CAST: variants seen among roughly 807,000 people sequenced by gnomAD.
The protein encoded by CAST is MIR583 host.
Under a neutral mutation model 119.6 loss-of-function variants are expected in CAST, and 76 were observed. The ratio of observed to expected loss-of-function variants is 0.64; its 90% confidence interval spans 0.53 to 0.77. The LOEUF (loss-of-function observed/expected upper bound fraction) is 0.77. CAST is among the 30% of genes least tolerant of loss of function. The pLI, the probability that CAST is intolerant of heterozygous loss-of-function variation, is 0.00. For missense variants in CAST, 953 were observed against 946.5 expected, an observed-to-expected ratio of 1.01 and a Z score of -0.09; for synonymous variants, 319 against 331.6, an observed-to-expected ratio of 0.96 and a Z score of 0.41.
chr5:96,655,270 A>G (rs1021463863), intron 1 of CAST, among the ~76,000 whole-genome samples: 9 of 152,232 alleles, frequency 5.9e-5, no homozygotes, highest in Admixed American at 1.3e-4. Context: ...GAAGAACAGC[A>G]ACATGGAAAA....
At chr5:96,744,518 C>T (rs567279844) in intron 16 of CAST, among the ~76,000 whole-genome samples, 25 of 152,308 alleles carry the variant, frequency 1.6e-4, no homozygotes, top group South Asian at 4.1e-4. Flanking sequence ...GTCCCTCCCA[C>T]GACACGTGGG....
chr5:96,366,514 G>A, the CAST span, among the ~76,000 whole-genome samples: 1 of 152,152 alleles, frequency 6.6e-6, no homozygotes, highest in Non-Finnish European at 1.5e-5. Context: ...TTTCTTGGAG[G>A]CTTTGTTCCT....
the CAST span, among the ~76,000 whole-genome samples, chr5:96,192,118 A>T: frequency 6.6e-6 from 1 of 152,184 alleles, no homozygotes; most frequent in Non-Finnish European, 1.5e-5. Flanking sequence ...GATATAAGGG[A>T]ATAGAATGAG....
chr5:96,065,355 C>CT, the CAST span, among the ~76,000 whole-genome samples: 1 of 151,318 alleles, frequency 6.6e-6, no homozygotes, highest in East Asian at 1.9e-4. Context: ...TCAAGAGAGC[C>CT]TTTTGGGGTC....
chr5:96,641,282 A>T (rs936671917), intron 1 of CAST, among the ~76,000 whole-genome samples: 5 of 152,002 alleles, frequency 3.3e-5, no homozygotes, highest in Non-Finnish European at 7.4e-5. Context: ...ATAATAATAA[A>T]AATTACCTCT....
chr5:96,321,077 A>G, the CAST span, among the ~76,000 whole-genome samples: 1 of 152,180 alleles, frequency 6.6e-6, no homozygotes, highest in South Asian at 2.1e-4. Flanking sequence ...GAGAGTGCTT[A>G]TCTCTCCAGG....
At chr5:96,321,532 T>A in the CAST span, among the ~76,000 whole-genome samples, 1 of 152,252 alleles carries the variant, frequency 6.6e-6, no homozygotes, top group African/African-American at 2.4e-5. Context: ...GACTGGAATG[T>A]TCTTTTCTTC....
chr5:96,622,219 C>T (rs576278001), intron 1 of CAST, among the ~76,000 whole-genome samples: 5 of 152,090 alleles, frequency 3.3e-5, no homozygotes, highest in South Asian at 4.2e-4. Flanking sequence ...CCACCCACCT[C>T]GGCCTCCCAA....
chr5:96,355,930 G>A, the CAST span, among the ~76,000 whole-genome samples: 1 of 152,088 alleles, frequency 6.6e-6, no homozygotes, highest in South Asian at 2.1e-4. Context: ...TCGATCCCTT[G>A]ACCTCATGAT....
chr5:96,746,291 TCATTATGTG>T (rs1763735190), intron 16 of CAST, 42 bp from the exon 17 acceptor site: 2 of 991,396 alleles, frequency 2.0e-6, no homozygotes, highest in Admixed American at 3.4e-5. Context: ...TGATATCATC[TCATTATGTG>T]CATTATCCAA....
intron 1 of CAST, among the ~76,000 whole-genome samples, chr5:96,641,577 C>G (rs551411098): frequency 6.6e-6 from 1 of 152,096 alleles, no homozygotes. Context: ...GAGTTTAGAC[C>G]CTTACGACCT....
At chr5:96,198,874 T>C in the CAST span, among the ~76,000 whole-genome samples, 11 of 152,136 alleles carry the variant, frequency 7.2e-5, no homozygotes, top group Non-Finnish European at 1.6e-4. Context: ...TACATCATGG[T>C]TTCCCCAAAG....
chr5:96,463,047 G>A, the CAST span, among the ~76,000 whole-genome samples: 2 of 152,038 alleles, frequency 1.3e-5, no homozygotes, highest in African/African-American at 4.8e-5. Context: ...CATGAAAATG[G>A]ACTGATACAC....
the CAST span, among the ~76,000 whole-genome samples, chr5:96,029,421 T>C: frequency 2.0e-5 from 3 of 152,004 alleles, no homozygotes; most frequent in South Asian, 2.1e-4. Flanking sequence ...ATAGATAGAA[T>C]GAAACTTCAT....
chr5:96,420,788 A>AGT, the CAST span, among the ~76,000 whole-genome samples: 237 of 53,054 alleles, frequency 4.5e-3, no homozygotes, highest in Non-Finnish European at 6.5e-3. Context: ...AGAGAGAGAA[A>AGT]GAGAGAGAGA....
the CAST span, among the ~76,000 whole-genome samples, chr5:96,002,013 G>A: frequency 6.6e-6 from 1 of 152,146 alleles, no homozygotes; most frequent in African/African-American, 2.4e-5. Flanking sequence ...CTTGGCAATA[G>A]GCAGTCTAGG....
At chr5:96,009,615 A>G in the CAST span, among the ~76,000 whole-genome samples, 3 of 151,934 alleles carry the variant, frequency 2.0e-5, no homozygotes, top group Admixed American at 1.3e-4. Context: ...GTGTCTGTTC[A>G]TGTCCGTTGC....
chr5:96,328,222 C>G, the CAST span, among the ~76,000 whole-genome samples: 1 of 152,220 alleles, frequency 6.6e-6, no homozygotes, highest in Non-Finnish European at 1.5e-5. Flanking sequence ...TCAGCTCCAT[C>G]AGGCCACTTA....
chr5:96,135,172 G>A, the CAST span, among the ~76,000 whole-genome samples: 5 of 152,086 alleles, frequency 3.3e-5, no homozygotes, highest in African/African-American at 9.7e-5. Context: ...GGAAACCCAC[G>A]GGATGACTTT....
Sources: gnomAD v4.1 joint callset for allele counts (sites outside exome capture counted in the v4.1 genomes callset) on GRCh38, gnomAD v4.1.1 for gene constraint, MANE v1.5 for transcripts, NCBI Gene and HGNC (gene_info 2026-07-23, HGNC 2026-07-21) for gene names.